The following SERGEF variants were observed in gnomAD, a reference collection of about 807,000 sequenced individuals.
The protein encoded by SERGEF is secretion regulating guanine nucleotide exchange factor, also known as secretion-regulating guanine nucleotide exchange factor.
In SERGEF, 51 loss-of-function variants were observed where a neutral mutation model predicts 50.0. The ratio of observed to expected loss-of-function variants is 1.02; its 90% CI spans 0.81 to 1.29. SERGEF has a LOEUF of 1.29. Ranked by LOEUF, SERGEF falls within the 50% of genes most tolerant of loss-of-function variation. The probability of loss-of-function intolerance (pLI) is 0.00; values close to 1 mark genes in which losing one functional copy is unlikely to be tolerated. For synonymous variants in SERGEF, 205 were observed against 212.4 expected, an observed-to-expected ratio of 0.97 and a Z score of 0.30; for missense variants, 521 against 557.0, an observed-to-expected ratio of 0.94 and a Z score of 0.65.
chr11:18,006,072 A>C (rs1854066606), intron 3 of SERGEF, among the ~76,000 whole-genome samples: 1 of 152,208 alleles, frequency 6.6e-6, no homozygotes, highest in Non-Finnish European at 1.5e-5. Context: ...CCCCAATCCC[A>C]GTCTCCTTTA....
chr11:17,893,760 G>C (rs1172464932), intron 9 of SERGEF, among the ~76,000 whole-genome samples: 1 of 152,152 alleles, frequency 6.6e-6, no homozygotes, highest in Non-Finnish European at 1.5e-5. Flanking sequence ...CTTGAGATCA[G>C]AAGGCTGAAC....
chr11:17,973,225 A>G (rs959184707), intron 8 of SERGEF, among the ~76,000 whole-genome samples: 8 of 152,192 alleles, frequency 5.3e-5, no homozygotes, highest in African/African-American at 1.9e-4. Flanking sequence ...GCACTTGGCC[A>G]TGGGAACACA....
intron 1 of SERGEF, 48 bp downstream of exon 1, chr11:18,012,903 C>A: frequency 6.5e-7 from 1 of 1,535,534 alleles, no homozygotes; most frequent in East Asian, 2.4e-5. Context: ...GCTCCCACAT[C>A]TCGGCGCCCC....
intron 1 of SERGEF, 166 bp downstream of exon 1, chr11:18,012,785 C>CG (rs1854225183): frequency 1.8e-6 from 2 of 1,141,356 alleles, no homozygotes; most frequent in African/African-American, 1.6e-5. Context: ...CCCCGCCCGC[C>CG]CGCTCCTCCT....
intron 10 of SERGEF, among the ~76,000 whole-genome samples, chr11:17,812,269 C>T (rs1202033187): frequency 6.6e-6 from 1 of 152,196 alleles, no homozygotes; most frequent in African/African-American, 2.4e-5. Context: ...CCTCTCAGCC[C>T]CTTAAGAGGG....
intron 9 of SERGEF, among the ~76,000 whole-genome samples, chr11:17,881,745 T>C (rs780687468): frequency 5.9e-5 from 9 of 152,162 alleles, no homozygotes; most frequent in Non-Finnish European, 1.3e-4. Flanking sequence ...GATAACAGTG[T>C]CTTCCCTGCC....
chr11:17,808,590 A>T (rs1590126376), intron 10 of SERGEF, among the ~76,000 whole-genome samples: 1 of 152,160 alleles, frequency 6.6e-6, no homozygotes, highest in African/African-American at 2.4e-5. Flanking sequence ...TTTCAACACG[A>T]GATTTGGAGG....
intron 10 of SERGEF, among the ~76,000 whole-genome samples, chr11:17,872,235 G>A (rs1192123646): frequency 1.3e-5 from 2 of 151,782 alleles, no homozygotes; most frequent in Non-Finnish European, 2.9e-5. Context: ...GACAGAGATG[G>A]AGCATGAACT....
intron 10 of SERGEF, among the ~76,000 whole-genome samples, chr11:17,840,931 A>C (rs2133862398): frequency 6.6e-6 from 1 of 152,344 alleles, no homozygotes; most frequent in East Asian, 1.9e-4. Flanking sequence ...ACACATGTCA[A>C]ACACAAATAT....
At chr11:17,905,330 G>A (rs763522628) in intron 9 of SERGEF, among the ~76,000 whole-genome samples, 1 of 152,172 alleles carries the variant, frequency 6.6e-6, no homozygotes, top group Non-Finnish European at 1.5e-5. Flanking sequence ...GTCACAATGA[G>A]CCCAGTTTTC....
intron 8 of SERGEF, among the ~76,000 whole-genome samples, chr11:17,979,439 C>A (rs1042535023): frequency 4.6e-5 from 7 of 152,150 alleles, no homozygotes; most frequent in African/African-American, 7.2e-5. Flanking sequence ...ACCACCACAG[C>A]CTGGATCCTA....
intron 10 of SERGEF, among the ~76,000 whole-genome samples, chr11:17,867,938 T>C (rs1851063589): frequency 1.3e-5 from 2 of 152,148 alleles, no homozygotes; most frequent in South Asian, 4.1e-4. Context: ...CTAGGCTGCA[T>C]ACAGTAGGGG....
intron 9 of SERGEF, among the ~76,000 whole-genome samples, chr11:17,918,422 G>A (rs190892955): frequency 5.5e-4 from 83 of 152,226 alleles, no homozygotes; most frequent in Admixed American, 1.1e-3. Flanking sequence ...GAACTTGTCA[G>A]CACTTCATTT....
At chr11:17,922,178 T>C (rs1268390673) in intron 9 of SERGEF, among the ~76,000 whole-genome samples, 1 of 152,216 alleles carries the variant, frequency 6.6e-6, no homozygotes, top group Non-Finnish European at 1.5e-5. Context: ...CATATCACTT[T>C]ACACACAGAA....
chr11:17,815,532 T>C (rs1849957401), intron 10 of SERGEF, among the ~76,000 whole-genome samples: 1 of 151,030 alleles, frequency 6.6e-6, no homozygotes, highest in African/African-American at 2.4e-5. Flanking sequence ...GAAGAATCGC[T>C]TGAACTCAGG....
At chr11:18,001,601 T>A (rs1194648724) in intron 4 of SERGEF, among the ~76,000 whole-genome samples, 7 of 152,242 alleles carry the variant, frequency 4.6e-5, no homozygotes, top group Admixed American at 4.6e-4. Context: ...CCAGCTAAGC[T>A]GTTCCTAAAT....
Position 17,874,839 on chromosome 11 carries a change from C to A in SERGEF, c.1048+3369G>T, listed in dbSNP as rs186101577. Among the ~76,000 whole-genome samples, 93 of 152,146 alleles carry A rather than the reference C, an allele frequency of 6.1e-4. 1 individual carries two copies. The highest frequency in any genetic ancestry group is 2.2e-3 in the African/African-American group (91 of 41,412). Reference sequence around the variant, plus strand: ...AGATCTTGCCATGGACCCTGATATCCAGGCTGGGAAAGACACTTCCTTCTC... The same window carrying A: ...AGATCTTGCCATGGACCCTGATATCAAGGCTGGGAAAGACACTTCCTTCTC... On this transcript the variant is annotated intron_variant, in intron 10 of 10. Transcript: ENST00000265965.
chr11:17,816,193 A>C (rs767900861), intron 10 of SERGEF, among the ~76,000 whole-genome samples: 4 of 152,114 alleles, frequency 2.6e-5, no homozygotes, highest in African/African-American at 9.7e-5. Context: ...TCTCAGCACC[A>C]TGGTGTCTCC....
At chr11:17,932,158 T>G (rs1852364775) in intron 9 of SERGEF, among the ~76,000 whole-genome samples, 1 of 152,058 alleles carries the variant, frequency 6.6e-6, no homozygotes, top group African/African-American at 2.4e-5. Context: ...GCCCTAAAAC[T>G]TAAGTATAAT....
Sources: gnomAD v4.1 joint callset for allele counts (sites outside exome capture counted in the v4.1 genomes callset) on GRCh38, gnomAD v4.1.1 for gene constraint, MANE v1.5 for transcripts, NCBI Gene and HGNC (gene_info 2026-07-23, HGNC 2026-07-21) for gene names.